Variants in WWOX observed in about 807,000 individuals in gnomAD.
WWOX encodes WW domain containing oxidoreductase, also known as WW domain-containing oxidoreductase.
In WWOX, 69 loss-of-function variants were observed where a neutral mutation model predicts 46.2. That is an observed-to-expected ratio of 1.49 (90% CI 1.23 to 1.82). WWOX has a LOEUF of 1.82. WWOX is among the 40% of genes most tolerant of loss of function. The pLI is 0.00. For missense variants in WWOX, 919 were observed against 542.6 expected (o/e 1.69, Z -6.89); for synonymous variants, 359 against 202.6 (o/e 1.77, Z -6.56).
At chr16:78,297,088 T>A (rs2079954605) in intron 5 of WWOX, among the ~76,000 whole-genome samples, 1 of 152,220 alleles carries the variant, frequency 6.6e-6, no homozygotes, top group Admixed American at 6.5e-5. Context: ...AGTTTCTTTT[T>A]CTAGCCCTGG....
intron 8 of WWOX, among the ~76,000 whole-genome samples, chr16:78,932,868 T>A (rs2045654421): frequency 6.6e-6 from 1 of 152,192 alleles, no homozygotes. Flanking sequence ...CCCAGCACCC[T>A]TGTCTGGAAG....
intron 5 of WWOX, among the ~76,000 whole-genome samples, chr16:78,367,627 C>T (rs2065039112): frequency 6.6e-6 from 1 of 152,106 alleles, no homozygotes; most frequent in Non-Finnish European, 1.5e-5. Context: ...TTTGTAATCT[C>T]CTGGGCTCAG....
chr16:78,328,234 A>T (rs1489753292), intron 5 of WWOX, among the ~76,000 whole-genome samples: 1 of 152,046 alleles, frequency 6.6e-6, no homozygotes, highest in Non-Finnish European at 1.5e-5. Context: ...ACCTTCAAAA[A>T]ACAACAAGTG....
chr16:78,460,141 C>A (rs901311987), intron 8 of WWOX, among the ~76,000 whole-genome samples: 2 of 151,188 alleles, frequency 1.3e-5, no homozygotes, highest in South Asian at 4.2e-4. Context: ...CCCTCCCTTC[C>A]CCACCCTAAA....
At chr16:79,135,026 A>G (rs2049956211) in intron 8 of WWOX, among the ~76,000 whole-genome samples, 2 of 152,152 alleles carry the variant, frequency 1.3e-5, no homozygotes, top group African/African-American at 4.8e-5. Flanking sequence ...TGTTCATTGG[A>G]TTAATTTTTC....
intron 8 of WWOX, among the ~76,000 whole-genome samples, chr16:79,139,275 G>C (rs998504716): frequency 6.6e-6 from 1 of 152,200 alleles, no homozygotes; most frequent in South Asian, 2.1e-4. Context: ...TGCTGATCAC[G>C]TTAAGCCAGG....
At chr16:78,134,269 C>A (rs1003639385) in intron 4 of WWOX, among the ~76,000 whole-genome samples, 1 of 152,042 alleles carries the variant, frequency 6.6e-6, no homozygotes, top group Non-Finnish European at 1.5e-5. Context: ...TGTCAGAAGT[C>A]TTTCTTTAGA....
chr16:78,120,337 G>T (rs982455719), intron 4 of WWOX, among the ~76,000 whole-genome samples: 7 of 152,120 alleles, frequency 4.6e-5, no homozygotes, highest in African/African-American at 7.2e-5. Flanking sequence ...TTGAGAGGCC[G>T]AGGCGGGTGG....
chr16:78,757,211 AG>A (rs1181720030), intron 8 of WWOX, among the ~76,000 whole-genome samples: 1 of 152,186 alleles, frequency 6.6e-6, no homozygotes, highest in Non-Finnish European at 1.5e-5. Flanking sequence ...CAGCCCACTT[AG>A]TTTTGGGATA....
chr16:78,707,528 T>C (rs2048350336), intron 8 of WWOX, among the ~76,000 whole-genome samples: 1 of 152,174 alleles, frequency 6.6e-6, no homozygotes, highest in African/African-American at 2.4e-5. Context: ...GAGCTCTCTC[T>C]TGCCATATCA....
chr16:78,730,951 A>T (rs2048956005), intron 8 of WWOX, among the ~76,000 whole-genome samples: 1 of 152,146 alleles, frequency 6.6e-6, no homozygotes, highest in South Asian at 2.1e-4. Context: ...AGAATAATAC[A>T]TTATTATCAT....
intron 6 of WWOX, among the ~76,000 whole-genome samples, chr16:78,392,113 C>T (rs955363149): frequency 6.6e-6 from 1 of 151,796 alleles, no homozygotes; most frequent in Non-Finnish European, 1.5e-5. Flanking sequence ...GAGCCGTGGC[C>T]TGTTATAAAT....
At chr16:78,755,769 GA>G (rs1454489882) in intron 8 of WWOX, among the ~76,000 whole-genome samples, 2 of 152,120 alleles carry the variant, frequency 1.3e-5, no homozygotes, top group Admixed American at 1.3e-4. Flanking sequence ...GGGGCATGGG[GA>G]TAATTACAAA....
At chr16:79,166,382 C>T (rs1005746868) in intron 8 of WWOX, among the ~76,000 whole-genome samples, 10 of 152,122 alleles carry the variant, frequency 6.6e-5, no homozygotes, top group African/African-American at 2.4e-4. Flanking sequence ...TCTTAGTTTG[C>T]AGCTTTTCTT....
At chr16:79,068,184 T>C (rs2048477263) in intron 8 of WWOX, among the ~76,000 whole-genome samples, 1 of 152,178 alleles carries the variant, frequency 6.6e-6, no homozygotes, top group Admixed American at 6.5e-5. Context: ...ATTGGGTGAA[T>C]GACCCTGTAA....
chr16:78,813,431 A>T (rs1035209451), intron 8 of WWOX, among the ~76,000 whole-genome samples: 1 of 152,132 alleles, frequency 6.6e-6, no homozygotes, highest in Admixed American at 6.5e-5. Context: ...AGGATACTTG[A>T]GCTGAGTTTT....
intron 5 of WWOX, among the ~76,000 whole-genome samples, chr16:78,305,441 G>T (rs1457375407): frequency 1.3e-5 from 2 of 152,152 alleles, no homozygotes; most frequent in Non-Finnish European, 2.9e-5. Flanking sequence ...CCAAGAAGAA[G>T]CATAGACAAT....
intron 8 of WWOX, among the ~76,000 whole-genome samples, chr16:78,490,333 A>G (rs143546695): frequency 1.3e-5 from 2 of 152,256 alleles, no homozygotes; most frequent in African/African-American, 2.4e-5. Context: ...TTCAGGTACA[A>G]TCAGTCTATT....
At position 78,746,542 on chromosome 16, in the gene WWOX, C is replaced by A. The variant is rs558309023; in HGVS notation, c.1056+313790C>A. ...GATATCAGCACCCTTGCCATGGCCTCATGAGCAGTGAAATGAACTTTCTTG... is the reference window on the plus strand; with the variant it reads ...GATATCAGCACCCTTGCCATGGCCTAATGAGCAGTGAAATGAACTTTCTTG... On this transcript the variant is annotated intron_variant, in intron 8 of 8. Coordinates refer to ENST00000566780, the MANE Select transcript of WWOX (RefSeq NM_016373.4). Among the ~76,000 whole-genome samples the A allele has an allele frequency of 1.6e-4, 25 of 152,066 alleles. No individual in the cohort carries two copies. In the East Asian group the frequency reaches 4.5e-3, roughly 27 times the overall value.
Sources: gnomAD v4.1 joint callset for allele counts (sites outside exome capture counted in the v4.1 genomes callset) on GRCh38, gnomAD v4.1.1 for gene constraint, MANE v1.5 for transcripts, NCBI Gene and HGNC (gene_info 2026-07-23, HGNC 2026-07-21) for gene names.